The following GSG1L variants were observed in gnomAD, a reference collection of about 807,000 sequenced individuals.
GSG1L encodes the protein germ cell-specific gene 1-like protein.
Under a neutral mutation model 42.1 loss-of-function variants are expected in GSG1L, and 24 were observed. That is an observed-to-expected ratio of 0.57 (90% CI 0.41 to 0.80). The LOEUF (loss-of-function observed/expected upper bound fraction) is 0.80, where lower values mean the gene tolerates loss of function less well. Among genes scored for constraint, GSG1L ranks in the 30% least tolerant of loss-of-function variants. GSG1L has a pLI of 0.00. For missense variants in GSG1L, 445 were observed against 472.2 expected (o/e 0.94, Z 0.53); for synonymous variants, 215 against 203.5 (o/e 1.06, Z -0.48).
In GSG1L at chr16:28,059,784, C is replaced by G. The variant is rs1391839538; in HGVS notation, c.349+3292G>C. On this transcript the variant is annotated intron_variant, in intron 1 of 6. Transcript: ENST00000447459. This position sits in a 1 kb window ranked among gnomAD's most constrained non-coding sequence, Gnocchi z 4.4. The stretch of plus-strand genomic sequence containing the variant: ...GACTCTGTGTCGAGGCCACGCTTCC[C>G]TTTCTGTTTGTGGAAGGACGCGGGT... Among the ~76,000 whole-genome samples, 1 of 152,172 alleles carries G rather than the reference C, an allele frequency of 6.6e-6. No homozygotes were observed. Among genetic ancestry groups the G allele is most frequent in the Non-Finnish European group, 1.5e-5 (1 of 68,042 alleles).
chr16:27,850,562 G>A (rs989631235), intron 3 of GSG1L: 1 of 455,810 alleles, frequency 2.2e-6, no homozygotes, highest in Non-Finnish European at 4.4e-6. Context: ...GGAGGGACCA[G>A]CAAAGAAAGC....
chr16:28,051,636 GAGAA>G (rs1282639899), intron 1 of GSG1L, among the ~76,000 whole-genome samples: 1 of 152,194 alleles, frequency 6.6e-6, no homozygotes, highest in Admixed American at 6.5e-5. Context: ...TGGAAATCTG[GAGAA>G]AGAGTTTCAG....
intron 1 of GSG1L, among the ~76,000 whole-genome samples, chr16:28,025,678 A>G (rs1050585649): frequency 6.6e-6 from 1 of 152,198 alleles, no homozygotes; most frequent in African/African-American, 2.4e-5. Flanking sequence ...TGAGCAAGAG[A>G]GAGCCGGGCC....
Position 27,921,538 on chromosome 16 carries a change from A to C in GSG1L, c.398-36900T>G, listed in dbSNP as rs1596614995. ...AATCACCACAAACCCCAGGTACATG[A>C]ATTTCCCACCATTCCCCAAAAGAGA... On this transcript the variant is annotated intron_variant, in intron 2 of 6. Coordinates refer to ENST00000447459, the MANE Select transcript of GSG1L (RefSeq NM_001109763.2). Among the ~76,000 whole-genome samples, 3 of 152,296 alleles carry C rather than the reference A, an allele frequency of 2.0e-5. No homozygotes were observed. In the East Asian group the frequency reaches 5.8e-4, roughly 29 times the overall value.
At position 27,819,558 on chromosome 16, in the gene GSG1L, G is replaced by A. The variant is rs948255288; in HGVS notation, c.830+9231C>T. Among the ~76,000 whole-genome samples, 24 of 152,320 alleles carry A rather than the reference G, an allele frequency of 1.6e-4. No individual in the cohort carries two copies. The South Asian group carries it at 3.3e-3, about 21-fold the overall frequency. ...GAGGCGTGATGCTGCCCAGCTTGGCGGAGGAGACGGTGGGGAAGGTGTCAG... is the reference window on the plus strand; with the variant it reads ...GAGGCGTGATGCTGCCCAGCTTGGCAGAGGAGACGGTGGGGAAGGTGTCAG... On this transcript the variant is annotated intron_variant, in intron 5 of 6. Transcript: ENST00000447459.
At chr16:27,930,554 TA>T (rs924504612) in intron 2 of GSG1L, among the ~76,000 whole-genome samples, 8 of 152,306 alleles carry the variant, frequency 5.3e-5, no homozygotes, top group Admixed American at 2.0e-4. Flanking sequence ...TGGCACATAG[TA>T]GGTGCTCAAG....
At chr16:27,889,889 G>A (rs923127613) in intron 2 of GSG1L, among the ~76,000 whole-genome samples, 4 of 152,128 alleles carry the variant, frequency 2.6e-5, no homozygotes, top group African/African-American at 4.8e-5. Context: ...TTATATCCCC[G>A]AATCTTCCTA....
intron 1 of GSG1L, among the ~76,000 whole-genome samples, chr16:28,001,677 G>A (rs996611896): frequency 7.9e-5 from 12 of 152,214 alleles, no homozygotes; most frequent in African/African-American, 2.9e-4. Context: ...CCTTACTGAA[G>A]GGCTGTAGGA....
intron 2 of GSG1L, among the ~76,000 whole-genome samples, chr16:27,957,506 C>G (rs918282974): frequency 6.6e-6 from 1 of 152,174 alleles, no homozygotes; most frequent in African/African-American, 2.4e-5. Flanking sequence ...TACTGTCTTG[C>G]CAGTGGTACT....
chr16:27,992,124 C>T (rs2085464036), intron 1 of GSG1L, among the ~76,000 whole-genome samples: 1 of 152,200 alleles, frequency 6.6e-6, no homozygotes, highest in Non-Finnish European at 1.5e-5. Flanking sequence ...TATCTAACCT[C>T]CCTAGTGATG....
Position 27,985,566 on chromosome 16 carries a change from G to A in GSG1L, c.350-22363C>T, listed in dbSNP as rs529753794. ...CTCTATAAATTACCCAGTCTCGGCC[G>A]GGCACGGTGGCTCATGCCTGTAATC... is the stretch of plus-strand genomic sequence containing the variant. On this transcript the variant is annotated intron_variant, in intron 1 of 6. Coordinates refer to ENST00000447459, the MANE Select transcript of GSG1L (RefSeq NM_001109763.2). 2.9e-4 allele frequency among the ~76,000 whole-genome samples: 44 copies of A among 152,046 alleles called. No individual in the cohort carries two copies. In the South Asian group the frequency reaches 5.9e-3, roughly 20 times the overall value.
intron 4 of GSG1L, among the ~76,000 whole-genome samples, chr16:27,840,299 G>A (rs1238846422): frequency 6.6e-6 from 1 of 152,008 alleles, no homozygotes; most frequent in Non-Finnish European, 1.5e-5. Flanking sequence ...GGCCTCCCAA[G>A]GTGCTGGGAT....
At chr16:27,864,480 A>T (rs58627780) in intron 3 of GSG1L, among the ~76,000 whole-genome samples, 2,536 of 152,294 alleles carry the variant, frequency 0.017, 68 homozygotes, top group African/African-American at 0.058. Flanking sequence ...AGACAGCCAC[A>T]TCCCTGCAGT....
chr16:27,938,232 G>T (rs1281838712), intron 2 of GSG1L, among the ~76,000 whole-genome samples: 1 of 151,854 alleles, frequency 6.6e-6, no homozygotes, highest in Non-Finnish European at 1.5e-5. Flanking sequence ...GTGCACCATT[G>T]TTTGGTTTAT....
At chr16:27,958,950 C>T (rs1567534992) in intron 2 of GSG1L, among the ~76,000 whole-genome samples, 4 of 151,802 alleles carry the variant, frequency 2.6e-5, no homozygotes. Flanking sequence ...GCTGGGATTA[C>T]AGGCATGAGC....
chr16:27,902,490 G>C (rs915420200), intron 2 of GSG1L, among the ~76,000 whole-genome samples: 1 of 152,146 alleles, frequency 6.6e-6, no homozygotes, highest in Non-Finnish European at 1.5e-5. Flanking sequence ...GGGGTGGTGA[G>C]GCTGGCAGTG....
rs1207970424 is a variant in GSG1L, at chr16:27,903,674, G to C, written c.398-19036C>G. Among the ~76,000 whole-genome samples the C allele has an allele frequency of 2.0e-5, 3 of 152,158 alleles. No individual in the cohort carries two copies. In the East Asian group the frequency reaches 5.8e-4, roughly 29 times the overall value. On this transcript the variant is annotated intron_variant, in intron 2 of 6. Coordinates refer to ENST00000447459, the MANE Select transcript of GSG1L (RefSeq NM_001109763.2). ...GCCCTGGAGGGAGAGTGGCCTCAAA[G>C]CTGCAATGAGCCACCAGGGACCAAA...
intron 2 of GSG1L, among the ~76,000 whole-genome samples, chr16:27,899,248 C>T (rs929377352): frequency 3.3e-5 from 5 of 152,198 alleles, no homozygotes; most frequent in African/African-American, 9.6e-5. Flanking sequence ...TTACCCGCTG[C>T]GAGTTGGCAG....
intron 3 of GSG1L, among the ~76,000 whole-genome samples, chr16:27,867,981 A>T (rs1321295501): frequency 6.6e-6 from 1 of 152,230 alleles, no homozygotes; most frequent in Non-Finnish European, 1.5e-5. Flanking sequence ...GTCCCTTAAA[A>T]ACTGCCAGAA....
Sources: allele counts gnomAD v4.1 joint callset (sites outside exome capture counted in the v4.1 genomes callset), GRCh38; gene constraint gnomAD v4.1.1; non-coding constraint Gnocchi (gnomAD v3.1); transcripts MANE v1.5; gene names NCBI Gene and HGNC (gene_info 2026-07-23, HGNC 2026-07-21).